The following SNTG1 variants were observed in gnomAD, a reference collection of about 807,000 sequenced individuals.
SNTG1 encodes the protein gamma-1-syntrophin.
Under a neutral mutation model 74.7 loss-of-function variants are expected in SNTG1, and 39 were observed. The ratio of observed to expected loss-of-function variants is 0.52; its 90% CI spans 0.40 to 0.68. The LOEUF is 0.68. Among genes scored for constraint, SNTG1 ranks in the 30% least tolerant of loss-of-function variants. The pLI is 0.00. For synonymous variants in SNTG1, 254 were observed against 217.1 expected, an observed-to-expected ratio of 1.17 and a Z score of -1.49; for missense variants, 685 against 609.5, an observed-to-expected ratio of 1.12 and a Z score of -1.30.
chr8:49,950,732 A>T (rs1809626008), intron 1 of SNTG1, among the ~76,000 whole-genome samples: 3 of 152,154 alleles, frequency 2.0e-5, no homozygotes, highest in Admixed American at 2.0e-4. Context: ...TTGATCATGT[A>T]TAAAACGTCT....
chr8:50,041,501 G>A (rs1328039926), intron 1 of SNTG1, among the ~76,000 whole-genome samples: 1 of 152,290 alleles, frequency 6.6e-6, no homozygotes, highest in South Asian at 2.1e-4. Flanking sequence ...TGTATTCAAT[G>A]TAAAAATAAG....
chr8:50,433,390 G>T (rs902992710), intron 4 of SNTG1, among the ~76,000 whole-genome samples: 3 of 151,604 alleles, frequency 2.0e-5, no homozygotes, highest in African/African-American at 7.3e-5. Flanking sequence ...TGGCAATGGT[G>T]AACAGGGATA....
chr8:50,530,273 G>A lies in SNTG1; in HGVS notation c.549+14G>A. On this transcript the variant is annotated intron_variant, in intron 10 of 18. Coordinates refer to ENST00000642720, the MANE Select transcript of SNTG1 (RefSeq NM_018967.5). ...CCCAACAATACAGTAAGATGACCCA[G>A]GCATAGCTCAGATTAATAAGGAGAT... 6.2e-7 allele frequency: 1 copy of A among 1,611,820 alleles called. No individual in the cohort carries two copies. Among genetic ancestry groups the A allele is most frequent in the Non-Finnish European group, 8.5e-7 (1 of 1,178,134 alleles).
chr8:50,548,836 A>G (rs1188616353), intron 11 of SNTG1, among the ~76,000 whole-genome samples: 1 of 152,210 alleles, frequency 6.6e-6, no homozygotes, highest in Non-Finnish European at 1.5e-5. Context: ...AAATAATACA[A>G]CTGGTATTTT....
chr8:50,393,008 G>T (rs770525371), intron 2 of SNTG1, among the ~76,000 whole-genome samples: 7 of 151,972 alleles, frequency 4.6e-5, no homozygotes, highest in Non-Finnish European at 1.0e-4. Flanking sequence ...TGTAGTAAAA[G>T]AATAACTTTA....
At chr8:50,465,516 C>T (rs1014579346) in intron 8 of SNTG1, among the ~76,000 whole-genome samples, 3 of 152,150 alleles carry the variant, frequency 2.0e-5, no homozygotes, top group African/African-American at 7.2e-5. Context: ...GGTTTTGACA[C>T]CTGCACAGTA....
At chr8:50,010,982 A>G (rs1176542561) in intron 1 of SNTG1, among the ~76,000 whole-genome samples, 2 of 152,080 alleles carry the variant, frequency 1.3e-5, no homozygotes, top group East Asian at 1.9e-4. Context: ...GAAAATATAT[A>G]TACCACTTGA....
intron 17 of SNTG1, among the ~76,000 whole-genome samples, chr8:50,710,200 G>A (rs2095457737): frequency 6.6e-6 from 1 of 152,092 alleles, no homozygotes; most frequent in Admixed American, 6.6e-5. Context: ...ACATTTGCTG[G>A]TCAGATTTGG....
At chr8:50,335,499 C>T (rs535798368) in intron 2 of SNTG1, among the ~76,000 whole-genome samples, 2 of 152,298 alleles carry the variant, frequency 1.3e-5, no homozygotes, top group Admixed American at 1.3e-4. Flanking sequence ...TTCTTGGTGG[C>T]TATCGCCAGG....
chr8:50,352,350 T>C (rs2091687166), intron 2 of SNTG1, among the ~76,000 whole-genome samples: 1 of 152,128 alleles, frequency 6.6e-6, no homozygotes, highest in Non-Finnish European at 1.5e-5. Flanking sequence ...AGCACAGTTA[T>C]TCAAAACATC....
chr8:49,974,901 C>T (rs1812049834), intron 1 of SNTG1, among the ~76,000 whole-genome samples: 1 of 152,086 alleles, frequency 6.6e-6, no homozygotes. Flanking sequence ...CAAAATTAGG[C>T]ATAATCCCTT....
At chr8:50,118,312 A>G (rs1168165026) in intron 1 of SNTG1, among the ~76,000 whole-genome samples, 2 of 152,186 alleles carry the variant, frequency 1.3e-5, no homozygotes, top group African/African-American at 4.8e-5. Flanking sequence ...AGGTTTTAAA[A>G]AAAAATTACA....
chr8:50,257,013 C>T (rs138550035), intron 2 of SNTG1, among the ~76,000 whole-genome samples: 36 of 152,118 alleles, frequency 2.4e-4, no homozygotes, highest in Admixed American at 6.5e-4. Context: ...TTGTAGCCCC[C>T]CTGCTCCCCT....
At chr8:50,760,348 T>C (rs187653727) in intron 18 of SNTG1, among the ~76,000 whole-genome samples, 2 of 151,982 alleles carry the variant, frequency 1.3e-5, no homozygotes, top group East Asian at 3.9e-4. Context: ...TTTTGACTGA[T>C]TGCCTGGTCA....
chr8:50,465,872 A>G (rs996207631), intron 8 of SNTG1, among the ~76,000 whole-genome samples: 2 of 152,114 alleles, frequency 1.3e-5, no homozygotes, highest in Admixed American at 1.3e-4. Context: ...TGCTTCTACT[A>G]TTTGTCAATT....
Position 50,704,596 on chromosome 8 carries a change from C to G in SNTG1, c.1039-4C>G. The G allele has an allele frequency of 6.2e-7, 1 of 1,614,034 alleles. No homozygotes were observed. Among genetic ancestry groups the G allele is most frequent in the Non-Finnish European group, 8.5e-7 (1 of 1,179,986 alleles). ...CAGCCTGTGTAACTCCAGGTTTTCA[C>G]CAGGACAGTGACCTGCTGGACCGAC... On this transcript the variant is annotated splice_region_variant and splice_polypyrimidine_tract_variant and intron_variant, in intron 15 of 18. Transcript: ENST00000642720.
chr8:50,288,549 C>T (rs1281444125), intron 2 of SNTG1, among the ~76,000 whole-genome samples: 2 of 152,168 alleles, frequency 1.3e-5, no homozygotes, highest in African/African-American at 4.8e-5. Flanking sequence ...CAGCACTCTA[C>T]TCTTGCCGAC....
intron 2 of SNTG1, among the ~76,000 whole-genome samples, chr8:50,347,047 A>G (rs11997576): frequency 6.6e-6 from 1 of 152,264 alleles, no homozygotes. Flanking sequence ...GAAGGTGGGT[A>G]CAATAAATAA....
At chr8:49,978,460 G>T (rs1223524473) in intron 1 of SNTG1, among the ~76,000 whole-genome samples, 1 of 152,220 alleles carries the variant, frequency 6.6e-6, no homozygotes, top group Non-Finnish European at 1.5e-5. Flanking sequence ...TTGCTGTTGT[G>T]CAGGCTTCCT....
Sources: allele counts gnomAD v4.1 joint callset (sites outside exome capture counted in the v4.1 genomes callset), GRCh38; gene constraint gnomAD v4.1.1; transcripts MANE v1.5; gene names NCBI Gene and HGNC (gene_info 2026-07-23, HGNC 2026-07-21).